The following ATP11A variants were observed in gnomAD, a reference collection of about 807,000 sequenced individuals.
The protein encoded by ATP11A is ATPase phospholipid transporting 11A.
In ATP11A, 81 loss-of-function variants were observed where a neutral mutation model predicts 154.4. The observed-to-expected ratio is 0.52, with a 90% CI of 0.44 to 0.63. The LOEUF is 0.63. Ranked by LOEUF, ATP11A falls within the 30% of genes least tolerant of loss-of-function variation. ATP11A has a pLI of 0.00. For missense variants in ATP11A, 1,316 were observed against 1,474.3 expected, an observed-to-expected ratio of 0.89 and a Z score of 1.76; for synonymous variants, 623 against 585.9, an observed-to-expected ratio of 1.06 and a Z score of -0.91.
At chr13:112,830,715 G>A (rs557157329) in intron 12 of ATP11A, among the ~76,000 whole-genome samples, 9 of 152,308 alleles carry the variant, frequency 5.9e-5, no homozygotes, top group East Asian at 1.9e-4. Flanking sequence ...CCCTGTGGAC[G>A]CGCCCAAGCT....
At chr13:112,808,653 C>G (rs1173640899) in intron 4 of ATP11A, among the ~76,000 whole-genome samples, 1 of 152,162 alleles carries the variant, frequency 6.6e-6, no homozygotes, top group Admixed American at 6.5e-5. Context: ...AAGCCCCCTG[C>G]ACTCACAGAG....
Position 112,862,679 on chromosome 13 carries a change from C to T in ATP11A, c.2991+104C>T, listed in dbSNP as rs147043198. ...GCAGAATTCAGTGCAGCCCATGCAG[C>T]TTCCCAGCGGGGTCCATCACCACCT... On this transcript the variant is annotated intron_variant, in intron 25 of 29. Coordinates refer to ENST00000375645, the MANE Select transcript of ATP11A (RefSeq NM_015205.3). The T allele has an allele frequency of 6.9e-4, 1,024 of 1,491,024 alleles. 7 individuals are homozygous for T. The African/African-American group carries it at 0.012, about 18-fold the overall frequency. 92.4% of individuals were successfully genotyped at this position (1,491,024 alleles called of 1,614,324 possible).
chr13:112,852,782 T>G (rs1434035061), intron 18 of ATP11A, among the ~76,000 whole-genome samples: 2 of 126,390 alleles, frequency 1.6e-5, no homozygotes, highest in African/African-American at 3.4e-5. Flanking sequence ...AATGCCTGGT[T>G]GGCGGGGGGG....
Position 112,831,299 on chromosome 13 carries a change from A to G in ATP11A, c.1222-76A>G. The G allele has an allele frequency of 2.0e-6, 3 of 1,516,864 alleles. No homozygotes were observed. In the African/African-American group the frequency reaches 4.1e-5, roughly 21 times the overall value. 94.0% of individuals were successfully genotyped at this position (1,516,864 alleles called of 1,614,324 possible). A position where few individuals can be genotyped will look rare whatever the true frequency, so the allele number is the denominator to read the frequency against. On this transcript the variant is annotated intron_variant, in intron 12 of 29. Transcript: ENST00000375645. ...TCACAGTGGGAGCTGGGGAGGAAAC[A>G]CGGCTGCTGTGTGTCTGAGTCGGGG...
rs368668443 is a variant in ATP11A, at chr13:112,862,466, G to A, written c.2882G>A (p.Arg961His). The A allele has an allele frequency of 1.8e-5, 29 of 1,614,034 alleles. No homozygotes were observed. In the African/African-American group the frequency reaches 1.9e-4, roughly 10 times the overall value. The change falls in exon 25 of 30, where the codon CGC becomes CAC. Residue 961 changes from arginine to histidine, a missense_variant. This residue lies in a region of ATP11A where 294 missense variants were observed against 290.2 expected (regional missense o/e 1.01). Coordinates refer to ENST00000375645, the MANE Select transcript of ATP11A (RefSeq NM_015205.3). Reference sequence around the variant, plus strand: ...GACGTCGCCAAGAATGCCCTGCTGCGCTGGCGCGTGTTCATCTACTGGACG... The same window carrying A: ...GACGTCGCCAAGAATGCCCTGCTGCACTGGCGCGTGTTCATCTACTGGACG... ...YRDVAKNALL[R>H]WRVFIYWTLL...
chr13:112,779,990 G>T (rs1047177719), intron 1 of ATP11A, among the ~76,000 whole-genome samples: 1 of 151,924 alleles, frequency 6.6e-6, no homozygotes, highest in African/African-American at 2.4e-5. Flanking sequence ...TAAACCAAAG[G>T]CAAGCTGAAA....
chr13:112,784,401 C>T (rs1046351506), intron 1 of ATP11A, among the ~76,000 whole-genome samples: 3 of 152,196 alleles, frequency 2.0e-5, no homozygotes, highest in Non-Finnish European at 4.4e-5. Flanking sequence ...AGCCCCACCT[C>T]TGGAGTCAAG....
chr13:112,842,727 T>C (rs894297077), intron 17 of ATP11A, among the ~76,000 whole-genome samples: 3 of 152,266 alleles, frequency 2.0e-5, no homozygotes, highest in African/African-American at 7.2e-5. Context: ...AAAGTCTTTG[T>C]GTTGACGTTT....
At chr13:112,803,067 TG>T (rs1566502637) in intron 2 of ATP11A, among the ~76,000 whole-genome samples, 1 of 152,154 alleles carries the variant, frequency 6.6e-6, no homozygotes, top group African/African-American at 2.4e-5. Flanking sequence ...TGTCATGAAC[TG>T]GGGGGAGCCA....
chr13:112,824,143 G>A (rs2078871370), intron 9 of ATP11A, among the ~76,000 whole-genome samples: 1 of 152,018 alleles, frequency 6.6e-6, no homozygotes, highest in Admixed American at 6.5e-5. Context: ...ATGAAGCATA[G>A]ATTGCTTCCT....
In ATP11A at chr13:112,785,107, C is replaced by T. The variant is rs774801520; in HGVS notation, c.40-28C>T. 1.4e-6 allele frequency: 2 copies of T among 1,421,072 alleles called. No homozygotes were observed. Among genetic ancestry groups the T allele is most frequent in the Non-Finnish European group, 9.3e-7 (1 of 1,079,138 alleles). 88.0% of individuals were successfully genotyped at this position (1,421,072 alleles called of 1,614,324 possible). On this transcript the variant is annotated intron_variant, in intron 1 of 29. Coordinates refer to ENST00000375645, the MANE Select transcript of ATP11A (RefSeq NM_015205.3). The surrounding 1 kb of genome is among the most constrained non-coding windows in gnomAD (Gnocchi z 4.8). Reference sequence around the variant, plus strand: ...GCTTTTGATGCAGGTTCTGAGGCAGCTGCCTAACACCGCTCTCCTTTCCGC... The same window carrying T: ...GCTTTTGATGCAGGTTCTGAGGCAGTTGCCTAACACCGCTCTCCTTTCCGC...
chr13:112,787,843 C>T (rs529560093), intron 2 of ATP11A, among the ~76,000 whole-genome samples: 34 of 142,770 alleles, frequency 2.4e-4, no homozygotes, highest in African/African-American at 6.9e-4. Context: ...TAATTCACAC[C>T]GGTGTCCTGA....
chr13:112,749,956 C>T (rs1445798255), intron 1 of ATP11A, among the ~76,000 whole-genome samples: 1 of 118,224 alleles, frequency 8.5e-6, no homozygotes, highest in Non-Finnish European at 1.7e-5. Context: ...CATCCTCCCA[C>T]GTGGGGACAT....
At chr13:112,828,114 G>GA (rs2078982065) in intron 12 of ATP11A, among the ~76,000 whole-genome samples, 1 of 144,160 alleles carries the variant, frequency 6.9e-6, no homozygotes, top group Admixed American at 7.0e-5. Flanking sequence ...GCGTTGAGTG[G>GA]GGGGAAGCGC....
chr13:112,720,569 A>AT (rs1384765714), intron 1 of ATP11A, among the ~76,000 whole-genome samples: 5 of 151,288 alleles, frequency 3.3e-5, no homozygotes, highest in African/African-American at 1.2e-4. Context: ...TTTTTTTTTA[A>AT]TTTTTTTGAG....
chr13:112,873,911 C>G (rs779716315), intron 27 of ATP11A, among the ~76,000 whole-genome samples: 3 of 152,158 alleles, frequency 2.0e-5, no homozygotes. Flanking sequence ...TAACTGATAA[C>G]AGCTTGTGAC....
intron 2 of ATP11A, among the ~76,000 whole-genome samples, chr13:112,802,089 C>A (rs442475): frequency 9.9e-4 from 151 of 152,210 alleles, no homozygotes; most frequent in African/African-American, 3.5e-3. Flanking sequence ...TCACACCTGT[C>A]ATCCCAGCAC....
Position 112,883,797 on chromosome 13 carries a change from C to G in ATP11A, c.*1931C>G, listed in dbSNP as rs1483870465. On this transcript the variant is annotated 3_prime_UTR_variant, in exon 30 of 30. Transcript: ENST00000375645. ...CCCTGGCTTGGCAGCCCTGCCCACGCTGCCCCCGCAAACAATGGTGTGTGC... is the reference window on the plus strand; with the variant it reads ...CCCTGGCTTGGCAGCCCTGCCCACGGTGCCCCCGCAAACAATGGTGTGTGC... 2 of 152,604 alleles carry G rather than the reference C, an allele frequency of 1.3e-5. No individual in the cohort carries two copies. The highest frequency in any genetic ancestry group is 3.9e-4 in the East Asian group (2 of 5,194). The allele number at this position is 152,604 out of a possible 1,614,324, so 9.5% of individuals were successfully genotyped here.
At chr13:112,698,222 T>C (rs1051079075) in intron 1 of ATP11A, among the ~76,000 whole-genome samples, 6 of 152,060 alleles carry the variant, frequency 3.9e-5, no homozygotes, top group Non-Finnish European at 7.3e-5. Context: ...CCGCTTCTGC[T>C]GGAGCGATGG....
Sources: gnomAD v4.1 joint callset for allele counts (sites outside exome capture counted in the v4.1 genomes callset) on GRCh38, gnomAD v4.1.1 for gene constraint, gnomAD v4.1.1 regional missense constraint, Gnocchi (gnomAD v3.1) non-coding constraint, MANE v1.5 for transcripts, NCBI Gene and HGNC (gene_info 2026-07-23, HGNC 2026-07-21) for gene names.